Variants in COIL observed in about 807,000 individuals in gnomAD.
COIL encodes the protein coilin, also known as coilin p80.
In COIL, 28 loss-of-function variants were observed where a neutral mutation model predicts 51.6. The observed-to-expected ratio is 0.54, with a 90% CI of 0.40 to 0.74. The LOEUF is 0.74. COIL is among the 30% of genes least tolerant of loss of function. COIL has a pLI of 0.00. For missense variants in COIL, 667 were observed against 685.9 expected (o/e 0.97, Z 0.31); for synonymous variants, 233 against 255.8 (o/e 0.91, Z 0.85).
Position 56,939,007 on chromosome 17 carries a change from A to AG in COIL, c.*63dup. 1.1e-6 allele frequency: 1 copy of AG among 897,018 alleles called. No individual in the cohort carries two copies. The highest frequency in any genetic ancestry group is 1.7e-6 in the Non-Finnish European group (1 of 571,814). 55.6% of individuals were successfully genotyped at this position (897,018 alleles called of 1,614,324 possible). ...CAAATCCTCTTTAAAAAAAAAAAAA[A>AG]GTTTGGGTTATAGTCACTTTCACAA... On this transcript the variant is annotated 3_prime_UTR_variant, in exon 7 of 7. Transcript: ENST00000240316.
At chr17:56,956,562 T>C (rs1247717276) in intron 1 of COIL, among the ~76,000 whole-genome samples, 3 of 152,176 alleles carry the variant, frequency 2.0e-5, no homozygotes, top group Admixed American at 6.5e-5. Flanking sequence ...GGCCCATCTC[T>C]AACATTTAAT....
At chr17:56,947,768 G>A (rs1430843231) in intron 4 of COIL, among the ~76,000 whole-genome samples, 4 of 152,168 alleles carry the variant, frequency 2.6e-5, no homozygotes, top group African/African-American at 9.7e-5. Context: ...ACTGTGCCTG[G>A]CCATTAATAA....
chr17:56,945,024 C>T (rs1361101024), intron 5 of COIL, among the ~76,000 whole-genome samples: 5 of 133,540 alleles, frequency 3.7e-5, no homozygotes, highest in Admixed American at 2.1e-4. Flanking sequence ...CAAAAATAAA[C>T]AAACAAACAA....
At chr17:56,953,340 G>A (rs932555936) in intron 1 of COIL, among the ~76,000 whole-genome samples, 1 of 150,506 alleles carries the variant, frequency 6.6e-6, no homozygotes, top group African/African-American at 2.5e-5. Flanking sequence ...GAACCTGGGA[G>A]GTGGAGCTTG....
chr17:56,938,792 A>C lies in COIL; in HGVS notation c.*279T>G, dbSNP rs1457534323. ...CTTGATGGCCAAAAACATTTAAAGA[A>C]AGAGAAGAAACCATACTGGTATACA... On this transcript the variant is annotated 3_prime_UTR_variant, in exon 7 of 7. Transcript: ENST00000240316. 2 of 238,280 alleles carry C rather than the reference A, an allele frequency of 8.4e-6. No individual in the cohort carries two copies. Among genetic ancestry groups the C allele is most frequent in the African/African-American group, 4.5e-5 (2 of 44,306 alleles). 14.8% of individuals were successfully genotyped at this position (238,280 alleles called of 1,614,324 possible). A position where few individuals can be genotyped will look rare whatever the true frequency, so the allele number is the denominator to read the frequency against.
chr17:56,960,811 T>C lies in COIL; in HGVS notation c.209A>G (p.Glu70Gly), dbSNP rs1426982960. The change falls in exon 1 of 7, where the codon GAG becomes GGG. Residue 70 changes from glutamate to glycine, a missense_variant. Glu to Gly is a moderately conservative substitution (Grantham distance 98). Transcript: ENST00000240316. ...YLEGGLLPPA[E>G]SARLVRDNDC... ...GTTGTCTCTCACAAGGCGCGCGCTC[T>C]CGGCGGGGGGCAAGAGCCCCCCCTC... 1.9e-6 allele frequency: 3 copies of C among 1,584,946 alleles called. No individual in the cohort carries two copies. The South Asian group carries it at 3.4e-5, about 18-fold the overall frequency.
intron 1 of COIL, among the ~76,000 whole-genome samples, chr17:56,952,779 G>A (rs1176353528): frequency 3.3e-5 from 5 of 151,066 alleles, no homozygotes; most frequent in Non-Finnish European, 7.4e-5. Context: ...TCCCATGTCT[G>A]TGAGTGAGTA....
chr17:56,952,461 A>G (rs1910392089), intron 1 of COIL: 1 of 340,176 alleles, frequency 2.9e-6, no homozygotes, highest in Non-Finnish European at 5.6e-6. Flanking sequence ...TTATGCTGGG[A>G]GTATGTGCAA....
chr17:56,939,014 G>T lies in COIL; in HGVS notation c.*57C>A. On this transcript the variant is annotated 3_prime_UTR_variant, in exon 7 of 7. Transcript: ENST00000240316. ...TCTTTAAAAAAAAAAAAAAGTTTGG[G>T]TTATAGTCACTTTCACAAACAAGAC... 2.0e-6 allele frequency: 2 copies of T among 1,019,592 alleles called. No homozygotes were observed. The highest frequency in any genetic ancestry group is 1.5e-6 in the Non-Finnish European group (1 of 673,260). The allele number at this position is 1,019,592 out of a possible 1,614,324, so 63.2% of individuals were successfully genotyped here.
intron 6 of COIL, among the ~76,000 whole-genome samples, chr17:56,940,642 G>C (rs1459385295): frequency 2.6e-5 from 4 of 152,208 alleles, no homozygotes; most frequent in South Asian, 2.1e-4. Flanking sequence ...GTAAAACACA[G>C]TCTGGCTAGG....
At chr17:56,956,572 T>C (rs1479467374) in intron 1 of COIL, among the ~76,000 whole-genome samples, 1 of 151,980 alleles carries the variant, frequency 6.6e-6, no homozygotes, top group East Asian at 1.9e-4. Context: ...TAACATTTAA[T>C]CAATGTGTTT....
rs1450908716 is a variant in COIL, at chr17:56,960,791, C to G, written c.229G>C (p.Asp77His). ...PPAESARLVR[D>H]NDCLRVKLEE... is the part of the protein sequence containing the mutation. ...GCCGCGCACCTGAGGCAGTCGTTGTCTCTCACAAGGCGCGCGCTCTCGGCG... is the reference window on the plus strand; with the variant it reads ...GCCGCGCACCTGAGGCAGTCGTTGTGTCTCACAAGGCGCGCGCTCTCGGCG... The change falls in exon 1 of 7, where the codon GAC (aspartate) becomes CAC (histidine). Residue 77 changes from aspartate (D) to histidine (H), a missense_variant. Transcript: ENST00000240316. The G allele has an allele frequency of 5.1e-6, 8 of 1,583,020 alleles. No individual in the cohort carries two copies. Among genetic ancestry groups the G allele is most frequent in the Non-Finnish European group, 6.9e-6 (8 of 1,165,656 alleles).
At chr17:56,949,307 A>G in intron 4 of COIL, 80 bp downstream of exon 4, 3 of 1,125,180 alleles carry the variant, frequency 2.7e-6, no homozygotes, top group Non-Finnish European at 2.5e-6. Context: ...ACAAATCTGT[A>G]TTATCCATAC....
intron 5 of COIL, among the ~76,000 whole-genome samples, chr17:56,945,842 A>G (rs765112714): frequency 1.3e-5 from 2 of 152,134 alleles, no homozygotes; most frequent in Admixed American, 6.5e-5. Context: ...CAACCTTTCC[A>G]GTAGGTGGGA....
Position 56,955,577 on chromosome 17 carries a change from T to C in COIL, c.246-4581A>G, listed in dbSNP as rs1182731839. ...ATGCTATTTCTGCCACTGTAATTTT[T>C]TTTAAAATCATTACCTCAGCCTTTC... On this transcript the variant is annotated intron_variant, in intron 1 of 6. Coordinates refer to ENST00000240316, the MANE Select transcript of COIL (RefSeq NM_004645.3). 3.3e-5 allele frequency among the ~76,000 whole-genome samples: 5 copies of C among 152,232 alleles called. No homozygotes were observed. The East Asian group carries it at 9.6e-4, about 29-fold the overall frequency.
At chr17:56,958,764 A>C (rs1910526909) in intron 1 of COIL, among the ~76,000 whole-genome samples, 1 of 152,212 alleles carries the variant, frequency 6.6e-6, no homozygotes, top group Non-Finnish European at 1.5e-5. Context: ...TTGCAGAGAG[A>C]ATAGAGACCT....
At chr17:56,944,170 T>C (rs1021491462) in intron 5 of COIL, among the ~76,000 whole-genome samples, 1 of 152,148 alleles carries the variant, frequency 6.6e-6, no homozygotes, top group African/African-American at 2.4e-5. Context: ...TCTAAGTGGA[T>C]GTCATCACTA....
rs748752622 is a variant in COIL, at chr17:56,950,655, T to C, written c.587A>G (p.Lys196Arg). ...KKKEKCEYKK[K>R]AKNPKSPKVQ... ...TTTCGGAGACTTGGGATTCTTAGCCTTTTTTTTATATTCACATTTCTCCTT... is the reference window on the plus strand; with the variant it reads ...TTTCGGAGACTTGGGATTCTTAGCCCTTTTTTTATATTCACATTTCTCCTT... The change falls in exon 2 of 7, where the codon AAG becomes AGG. Residue 196 changes from lysine to arginine, a missense_variant. Transcript: ENST00000240316. 5.6e-6 allele frequency: 9 copies of C among 1,606,880 alleles called. No homozygotes were observed. In the Admixed American group the frequency reaches 6.9e-5, roughly 12 times the overall value.
At chr17:56,949,794 A>G (rs1256724969) in intron 2 of COIL, 27 bp from the exon 3 acceptor site, 19 of 1,611,966 alleles carry the variant, frequency 1.2e-5, no homozygotes, top group Non-Finnish European at 1.5e-5. Flanking sequence ...GTCATGTGAC[A>G]TCATCACTGG....
Sources: gnomAD v4.1 joint callset for allele counts (sites outside exome capture counted in the v4.1 genomes callset) on GRCh38, gnomAD v4.1.1 for gene constraint, MANE v1.5 for transcripts, NCBI Gene and HGNC (gene_info 2026-07-23, HGNC 2026-07-21) for gene names.